CPED1: variants seen among roughly 807,000 people sequenced by gnomAD.
CPED1 encodes cadherin-like and PC-esterase domain-containing protein 1.
In CPED1, 114 loss-of-function variants were observed where a neutral mutation model predicts 128.2. That is an observed-to-expected ratio of 0.89 (90% CI 0.76 to 1.04). The LOEUF (loss-of-function observed/expected upper bound fraction) is 1.04, where lower values mean the gene tolerates loss of function less well. Among genes scored for constraint, CPED1 ranks in the 50% least tolerant of loss-of-function variants. CPED1 has a pLI of 0.00. For missense variants in CPED1, 1,211 were observed against 1,207.1 expected, an observed-to-expected ratio of 1.00 and a Z score of -0.05; for synonymous variants, 462 against 426.7, an observed-to-expected ratio of 1.08 and a Z score of -1.02.
At chr7:120,992,016 T>G (rs1436292320) in intron 2 of CPED1, among the ~76,000 whole-genome samples, 3 of 152,156 alleles carry the variant, frequency 2.0e-5, no homozygotes, top group Non-Finnish European at 4.4e-5. Context: ...AGATACAAAT[T>G]AATTCTACTT....
chr7:121,205,865 C>G (rs1365029865), intron 16 of CPED1, among the ~76,000 whole-genome samples: 1 of 151,896 alleles, frequency 6.6e-6, no homozygotes, highest in East Asian at 1.9e-4. Flanking sequence ...TGAAGGTTAC[C>G]CAGCCAATTC....
At chr7:121,018,832 C>T (rs1002467992) in intron 3 of CPED1, among the ~76,000 whole-genome samples, 6 of 152,002 alleles carry the variant, frequency 3.9e-5, no homozygotes, top group Admixed American at 2.6e-4. Flanking sequence ...AAATTATGCA[C>T]GTTATAATCC....
intron 5 of CPED1, among the ~76,000 whole-genome samples, chr7:121,088,503 C>CA (rs1209809274): frequency 6.6e-6 from 1 of 151,298 alleles, no homozygotes; most frequent in African/African-American, 2.4e-5. Context: ...ACTAAAAATA[C>CA]AAAAAATTAG....
intron 7 of CPED1, among the ~76,000 whole-genome samples, chr7:121,120,752 T>G (rs1165462592): frequency 6.6e-6 from 1 of 152,054 alleles, no homozygotes; most frequent in Non-Finnish European, 1.5e-5. Flanking sequence ...CAGAAAAATT[T>G]ATATTCTCTC....
intron 16 of CPED1, among the ~76,000 whole-genome samples, chr7:121,186,461 T>C (rs1797005411): frequency 6.6e-6 from 1 of 152,208 alleles, no homozygotes; most frequent in African/African-American, 2.4e-5. Context: ...AAGCTGTCCT[T>C]GGGCCAATAT....
chr7:121,011,844 TCAAAC>T (rs1248018135), intron 2 of CPED1, among the ~76,000 whole-genome samples: 3 of 152,132 alleles, frequency 2.0e-5, no homozygotes, highest in Non-Finnish European at 4.4e-5. Flanking sequence ...AGGACATAGA[TCAAAC>T]CAAATTAATT....
chr7:120,993,997 C>G, intron 2 of CPED1: 1 of 316,072 alleles, frequency 3.2e-6, no homozygotes, highest in Non-Finnish European at 6.6e-6. Flanking sequence ...CTCTCCTTTT[C>G]AATCAGTACT....
chr7:121,277,365 G>T (rs769097618), intron 22 of CPED1, among the ~76,000 whole-genome samples: 3 of 152,082 alleles, frequency 2.0e-5, no homozygotes, highest in Admixed American at 6.6e-5. Flanking sequence ...TATGACACTG[G>T]AGGGACTGGT....
intron 3 of CPED1, among the ~76,000 whole-genome samples, chr7:121,022,535 T>C (rs1792469298): frequency 6.6e-6 from 1 of 151,914 alleles, no homozygotes; most frequent in Non-Finnish European, 1.5e-5. Context: ...CATATTCAGT[T>C]ATAGGTGCTG....
intron 16 of CPED1, among the ~76,000 whole-genome samples, chr7:121,227,954 C>T (rs1003469884): frequency 6.6e-6 from 1 of 152,056 alleles, no homozygotes; most frequent in East Asian, 1.9e-4. Context: ...GCAGAACAGA[C>T]AATTCATAAT....
chr7:121,031,937 G>C (rs1055619328), intron 3 of CPED1, among the ~76,000 whole-genome samples: 1 of 152,056 alleles, frequency 6.6e-6, no homozygotes, highest in African/African-American at 2.4e-5. Context: ...TTAAAATATA[G>C]TGTATTACTT....
chr7:121,137,986 G>A lies in CPED1; in HGVS notation c.1699+1896G>A, dbSNP rs143113564. ...TTTTTTTCCAGTTCCCATGTAATAT[G>A]GTGTAGATGATGTGAATATGTTAGA... On this transcript the variant is annotated intron_variant, in intron 14 of 22. Coordinates refer to ENST00000310396, the MANE Select transcript of CPED1 (RefSeq NM_024913.5). 9.4e-4 allele frequency among the ~76,000 whole-genome samples: 143 copies of A among 152,128 alleles called. 3 individuals carry two copies. The highest frequency in any genetic ancestry group is 3.3e-3 in the African/African-American group (138 of 41,536).
chr7:121,100,103 T>A lies in CPED1; in HGVS notation c.918+9T>A. 1 of 1,612,468 alleles carries A rather than the reference T, an allele frequency of 6.2e-7. No individual in the cohort carries two copies. The highest frequency in any genetic ancestry group is 8.5e-7 in the Non-Finnish European group (1 of 1,179,170). Reference sequence around the variant, plus strand: ...AACGCTTCACTGTCAAGGTAAGCTCTCGGTTGAAGCTATTATTTCACGTAA... The same window carrying A: ...AACGCTTCACTGTCAAGGTAAGCTCACGGTTGAAGCTATTATTTCACGTAA... On this transcript the variant is annotated intron_variant, in intron 7 of 22. Transcript: ENST00000310396.
intron 5 of CPED1, among the ~76,000 whole-genome samples, chr7:121,082,668 T>C (rs1439779514): frequency 6.6e-6 from 1 of 152,224 alleles, no homozygotes; most frequent in African/African-American, 2.4e-5. Context: ...AAGATAGATA[T>C]ATTCATGCCT....
In CPED1 at chr7:121,022,055, T is replaced by TA. The variant is rs35758361; in HGVS notation, c.433+6217dup. ...TTATTCCCTTGGAAAAATCTCACAT[T>TA]AAAAAAAAAATCTGTAAGCTTCCTA... On this transcript the variant is annotated intron_variant, in intron 3 of 22. Transcript: ENST00000310396. Among the ~76,000 whole-genome samples the TA allele has an allele frequency of 7.0e-4, 104 of 149,138 alleles. 1 individual carries two copies. The East Asian group carries it at 0.011, about 16-fold the overall frequency.
chr7:121,030,314 T>C (rs1792697755), intron 3 of CPED1, among the ~76,000 whole-genome samples: 2 of 152,238 alleles, frequency 1.3e-5, no homozygotes, highest in Admixed American at 6.5e-5. Context: ...GAGTACAGTA[T>C]TCCTCCCTTA....
At position 121,295,814 on chromosome 7, in the gene CPED1, G is replaced by A. The variant is rs1792813854; in HGVS notation, c.*162G>A. On this transcript the variant is annotated 3_prime_UTR_variant, in exon 23 of 23. Coordinates refer to ENST00000310396, the MANE Select transcript of CPED1 (RefSeq NM_024913.5). ...ACCAGTACACACACAGTTAAATAATGATAACACTTCTTACAGCTTTATGAA... is the reference window on the plus strand; with the variant it reads ...ACCAGTACACACACAGTTAAATAATAATAACACTTCTTACAGCTTTATGAA... 1 of 566,024 alleles carries A rather than the reference G, an allele frequency of 1.8e-6. No homozygotes were observed. Among genetic ancestry groups the A allele is most frequent in the Non-Finnish European group, 3.1e-6 (1 of 318,642 alleles). The allele number at this position is 566,024 out of a possible 1,614,324, so 35.1% of individuals were successfully genotyped here. A position where few individuals can be genotyped will look rare whatever the true frequency, so the allele number is the denominator to read the frequency against.
chr7:121,154,237 C>T (rs1009542930), intron 16 of CPED1, among the ~76,000 whole-genome samples: 2 of 152,140 alleles, frequency 1.3e-5, no homozygotes, highest in Admixed American at 1.3e-4. Flanking sequence ...CAGTAAATTG[C>T]GCATCACAGT....
At chr7:121,248,792 C>G (rs1488059740) in intron 18 of CPED1, among the ~76,000 whole-genome samples, 1 of 152,078 alleles carries the variant, frequency 6.6e-6, no homozygotes, top group Non-Finnish European at 1.5e-5. Context: ...CTCTTACCTC[C>G]AAATGAGTCC....
Sources: gnomAD v4.1 joint callset for allele counts (sites outside exome capture counted in the v4.1 genomes callset) on GRCh38, gnomAD v4.1.1 for gene constraint, MANE v1.5 for transcripts, NCBI Gene and HGNC (gene_info 2026-07-23, HGNC 2026-07-21) for gene names.